The following FLI1 variants were observed in gnomAD, a reference collection of about 807,000 sequenced individuals.
FLI1 encodes the protein Fli-1 proto-oncogene, ETS transcription factor.
In FLI1, 13 loss-of-function variants were observed where a neutral mutation model predicts 53.1. The ratio of observed to expected loss-of-function variants is 0.24; its 90% CI spans 0.16 to 0.39. The LOEUF is 0.39. Ranked by LOEUF, FLI1 falls within the 10% of genes least tolerant of loss-of-function variation. FLI1 has a pLI of 1.00. For synonymous variants in FLI1, 244 were observed against 236.7 expected, an observed-to-expected ratio of 1.03 and a Z score of -0.28; for missense variants, 424 against 600.5, an observed-to-expected ratio of 0.71 and a Z score of 3.07.
intron 4 of FLI1, among the ~76,000 whole-genome samples, chr11:128,778,281 C>T (rs767512910): frequency 6.6e-6 from 1 of 152,160 alleles, no homozygotes; most frequent in Non-Finnish European, 1.5e-5. Context: ...GAGACATTAT[C>T]GTGACGTGAA....
chr11:128,760,814 C>A (rs375957497), intron 2 of FLI1, among the ~76,000 whole-genome samples: 291 of 152,234 alleles, frequency 1.9e-3, no homozygotes, highest in African/African-American at 6.5e-3. Flanking sequence ...GCGTGAGCCA[C>A]CGCACCCAGC....
At chr11:128,696,548 A>G (rs1938085440) in intron 1 of FLI1, among the ~76,000 whole-genome samples, 1 of 152,222 alleles carries the variant, frequency 6.6e-6, no homozygotes, top group African/African-American at 2.4e-5. Flanking sequence ...CAGTGGAACT[A>G]GGTTACCTCT....
intron 5 of FLI1, among the ~76,000 whole-genome samples, chr11:128,784,924 G>A (rs1364732538): frequency 6.6e-6 from 1 of 152,168 alleles, no homozygotes; most frequent in Non-Finnish European, 1.5e-5. Context: ...GGCAGGTGCT[G>A]GCATCAAGCA....
intron 2 of FLI1, chr11:128,764,885 A>G: frequency 2.0e-6 from 3 of 1,532,292 alleles, no homozygotes; most frequent in African/African-American, 1.4e-5. Context: ...AAGTGTGGGG[A>G]ACCAGGATGG....
At chr11:128,784,725 A>C (rs992199646) in intron 5 of FLI1, among the ~76,000 whole-genome samples, 1 of 152,134 alleles carries the variant, frequency 6.6e-6, no homozygotes, top group African/African-American at 2.4e-5. Context: ...CCCACCTCTC[A>C]CTGGCTCTCC....
At chr11:128,791,533 C>T (rs888829163) in intron 5 of FLI1, among the ~76,000 whole-genome samples, 2 of 152,166 alleles carry the variant, frequency 1.3e-5, no homozygotes, top group South Asian at 2.1e-4. Context: ...AGACGGGAAG[C>T]GTCTTGAAGG....
intron 1 of FLI1, among the ~76,000 whole-genome samples, chr11:128,688,539 C>T (rs1937624591): frequency 6.6e-6 from 1 of 152,196 alleles, no homozygotes. Context: ...GCACCCGGCT[C>T]AGGAGTTGTT....
chr11:128,799,102 T>C (rs1275742230), intron 5 of FLI1, among the ~76,000 whole-genome samples: 2 of 150,604 alleles, frequency 1.3e-5, no homozygotes, highest in Non-Finnish European at 3.0e-5. Flanking sequence ...TGGAGTACAA[T>C]AGTGTAATCA....
chr11:128,759,231 T>A (rs1941011730), intron 2 of FLI1, among the ~76,000 whole-genome samples: 1 of 152,152 alleles, frequency 6.6e-6, no homozygotes, highest in South Asian at 2.1e-4. Context: ...CACAAAGAGA[T>A]GAAAATAAAA....
At chr11:128,752,315 G>A (rs1940682151) in intron 1 of FLI1, among the ~76,000 whole-genome samples, 2 of 152,144 alleles carry the variant, frequency 1.3e-5, no homozygotes, top group African/African-American at 4.8e-5. Flanking sequence ...AACTTCAGGT[G>A]CTTGATTTAG....
At chr11:128,789,714 G>A (rs574030354) in intron 5 of FLI1, among the ~76,000 whole-genome samples, 42 of 152,324 alleles carry the variant, frequency 2.8e-4, no homozygotes, top group African/African-American at 8.9e-4. Context: ...GCAGGAGGGC[G>A]TGAGCTGGTG....
chr11:128,700,262 A>G (rs1372361762), intron 1 of FLI1, among the ~76,000 whole-genome samples: 1 of 152,222 alleles, frequency 6.6e-6, no homozygotes. Context: ...TCTACTTCAT[A>G]TGGAAGAAGT....
chr11:128,760,769 G>A (rs189597903), intron 2 of FLI1, among the ~76,000 whole-genome samples: 7 of 151,968 alleles, frequency 4.6e-5, no homozygotes, highest in South Asian at 2.1e-4. Flanking sequence ...CTCATGATCC[G>A]CCTGCCTCGG....
intron 1 of FLI1, among the ~76,000 whole-genome samples, chr11:128,738,937 CAAAA>C (rs893605488): frequency 6.6e-6 from 1 of 152,094 alleles, no homozygotes; most frequent in Non-Finnish European, 1.5e-5. Flanking sequence ...CAAAACAAAA[CAAAA>C]AAGAAGAAAA....
chr11:128,693,784 T>C, upstream of FLI1: 2 of 233,108 alleles, frequency 8.6e-6, no homozygotes, highest in Non-Finnish European at 1.7e-5. Flanking sequence ...GCAAGTATCC[T>C]GTGTGCGCAG....
At chr11:128,738,408 G>A (rs551875417) in intron 1 of FLI1, among the ~76,000 whole-genome samples, 34 of 152,266 alleles carry the variant, frequency 2.2e-4, no homozygotes, top group East Asian at 1.3e-3. Context: ...TGCAAAGCCC[G>A]AAGCCCTCTC....
In FLI1 at chr11:128,719,328, T is replaced by C. The variant is rs186106408; in HGVS notation, c.18+25052T>C. On this transcript the variant is annotated intron_variant, in intron 1 of 8. Coordinates refer to ENST00000527786, the MANE Select transcript of FLI1 (RefSeq NM_002017.5). ...TGTTGTGAGGACAAAATGGTCTGCG[T>C]GTGTGTGTACTCTTTCTCCCCTTTT... 6.6e-5 allele frequency among the ~76,000 whole-genome samples: 10 copies of C among 150,476 alleles called. 1 individual carries two copies. The highest frequency in any genetic ancestry group is 6.6e-4 in the Admixed American group (10 of 15,090).
intron 1 of FLI1, among the ~76,000 whole-genome samples, chr11:128,719,567 AGGACT>A (rs2135733074): frequency 6.6e-6 from 1 of 152,296 alleles, no homozygotes; most frequent in South Asian, 2.1e-4. Context: ...CTAAGCTCTA[AGGACT>A]GGCACGATCT....
intron 7 of FLI1, among the ~76,000 whole-genome samples, chr11:128,807,985 A>C (rs1170437997): frequency 6.6e-6 from 1 of 152,188 alleles, no homozygotes; most frequent in Non-Finnish European, 1.5e-5. Flanking sequence ...GTTCTGAACA[A>C]GTCATTTGCT....
Sources: gnomAD v4.1 joint callset for allele counts (sites outside exome capture counted in the v4.1 genomes callset) on GRCh38, gnomAD v4.1.1 for gene constraint, MANE v1.5 for transcripts, NCBI Gene and HGNC (gene_info 2026-07-23, HGNC 2026-07-21) for gene names.